CMIP: variants seen among roughly 807,000 people sequenced by gnomAD.
CMIP encodes the protein c-Maf inducing protein.
A neutral mutation model predicts 97.3 loss-of-function variants in CMIP; 13 were observed. The observed-to-expected ratio is 0.13, with a 90% confidence interval of 0.09 to 0.21. The LOEUF is 0.21. Ranked by LOEUF, CMIP falls within the 10% of genes least tolerant of loss-of-function variation. The pLI is 1.00. For synonymous variants in CMIP, 538 were observed against 436.3 expected (o/e 1.23, Z -2.91); for missense variants, 847 against 1,024.9 (o/e 0.83, Z 2.37).
chr16:81,463,224 C>T (rs1906995934), intron 1 of CMIP, among the ~76,000 whole-genome samples: 1 of 152,182 alleles, frequency 6.6e-6, no homozygotes, highest in South Asian at 2.1e-4. Flanking sequence ...CCCCAATAAA[C>T]AAGTTTCCTC....
At position 81,453,686 on chromosome 16, in the gene CMIP, C is replaced by T. The variant is rs970493085; in HGVS notation, c.300+8145C>T. ...AGGCTAGCTGCCGTAACACGCAGCCCTGGCATCTGGGTGGCTTCATGCAGC... is the reference window on the plus strand; with the variant it reads ...AGGCTAGCTGCCGTAACACGCAGCCTTGGCATCTGGGTGGCTTCATGCAGC... On this transcript the variant is annotated intron_variant, in intron 1 of 20. Transcript: ENST00000537098. The surrounding 1 kb of genome is among the most constrained non-coding windows in gnomAD (Gnocchi z 4.0). Among the ~76,000 whole-genome samples, 3 of 152,242 alleles carry T rather than the reference C, an allele frequency of 2.0e-5. No individual in the cohort carries two copies. Among genetic ancestry groups the T allele is most frequent in the African/African-American group, 7.2e-5 (3 of 41,460 alleles).
chr16:81,503,483 A>AC (rs758685766), intron 1 of CMIP, among the ~76,000 whole-genome samples: 1 of 151,604 alleles, frequency 6.6e-6, no homozygotes, highest in Non-Finnish European at 1.5e-5. Context: ...TGCAGCCTTG[A>AC]CCCCCCAGGC....
intron 20 of CMIP, 91 bp from the exon 21 acceptor site, chr16:81,709,655 C>T: frequency 6.9e-7 from 1 of 1,449,938 alleles, no homozygotes; most frequent in Non-Finnish European, 9.6e-7. Flanking sequence ...TGGCAGAGAC[C>T]CCCAGCCGGC....
At chr16:81,470,842 T>C (rs918659075) in intron 1 of CMIP, among the ~76,000 whole-genome samples, 3 of 152,268 alleles carry the variant, frequency 2.0e-5, no homozygotes, top group Non-Finnish European at 4.4e-5. Context: ...CTTCCTCATG[T>C]GATCTCTTCG....
At position 81,495,420 on chromosome 16, in the gene CMIP, G is replaced by T. The variant is rs904759436; in HGVS notation, c.300+49879G>T. ...AACAAACCAAGCCGGCCGGGCTGCC[G>T]CTCTGTTTCCTGCGAGGAGGGAAGT... On this transcript the variant is annotated intron_variant, in intron 1 of 20. Coordinates refer to ENST00000537098, the MANE Select transcript of CMIP (RefSeq NM_198390.3). 5.0e-6 allele frequency: 8 copies of T among 1,598,002 alleles called. No homozygotes were observed. The South Asian group carries it at 6.8e-5, about 14-fold the overall frequency.
chr16:81,496,551 C>G (rs572557105), intron 1 of CMIP, among the ~76,000 whole-genome samples: 1 of 152,174 alleles, frequency 6.6e-6, no homozygotes, highest in Non-Finnish European at 1.5e-5. Flanking sequence ...TGATAAAACC[C>G]TTTGAATGGA....
intron 1 of CMIP, among the ~76,000 whole-genome samples, chr16:81,587,701 C>G (rs149425360): frequency 6.6e-6 from 1 of 152,358 alleles, no homozygotes; most frequent in Non-Finnish European, 1.5e-5. Context: ...TCTACTGCTC[C>G]TGACTTCCTG....
At chr16:81,545,301 G>A (rs1021066141) in intron 1 of CMIP, among the ~76,000 whole-genome samples, 22 of 152,180 alleles carry the variant, frequency 1.4e-4, no homozygotes, top group Admixed American at 5.2e-4. Context: ...TCCTGCAGAC[G>A]AACCCGTCCT....
chr16:81,516,854 C>T (rs186710841), intron 1 of CMIP, among the ~76,000 whole-genome samples: 2 of 152,218 alleles, frequency 1.3e-5, no homozygotes, highest in Non-Finnish European at 2.9e-5. Flanking sequence ...AGTGAAAAAC[C>T]AGATGGCCTC....
chr16:81,518,762 C>G (rs2089964436), intron 1 of CMIP: 1 of 152,034 alleles, frequency 6.6e-6, no homozygotes, highest in East Asian at 1.9e-4. Flanking sequence ...CTTTGGGTGG[C>G]CGAGGCAGGA....
At chr16:81,516,072 C>T (rs2089907678) in intron 1 of CMIP, among the ~76,000 whole-genome samples, 1 of 152,200 alleles carries the variant, frequency 6.6e-6, no homozygotes, top group Non-Finnish European at 1.5e-5. Context: ...CTCTGGGTTG[C>T]TCCATTGCCC....
chr16:81,540,489 G>T (rs545728777), intron 1 of CMIP, among the ~76,000 whole-genome samples: 1 of 152,018 alleles, frequency 6.6e-6, no homozygotes, highest in East Asian at 1.9e-4. Flanking sequence ...TTTTTGTAGA[G>T]ATGGGTTTTT....
At chr16:81,707,901 G>A (rs769430487) in intron 20 of CMIP, among the ~76,000 whole-genome samples, 14 of 152,224 alleles carry the variant, frequency 9.2e-5, no homozygotes, top group Non-Finnish European at 1.8e-4. Flanking sequence ...TGGCACCTTC[G>A]TGCTCTGGAA....
At chr16:81,599,443 G>T (rs925104543) in intron 1 of CMIP, among the ~76,000 whole-genome samples, 2 of 152,224 alleles carry the variant, frequency 1.3e-5, no homozygotes, top group African/African-American at 4.8e-5. Context: ...GCATCCATGG[G>T]TTTCTGCCTT....
At chr16:81,706,868 G>A in intron 19 of CMIP, 146 bp from the exon 20 acceptor site, 3 of 685,084 alleles carry the variant, frequency 4.4e-6, no homozygotes, top group Non-Finnish European at 7.8e-6. Flanking sequence ...CACCTACCCT[G>A]GCTGTGTCTA....
At chr16:81,594,996 A>G (rs1039315138) in intron 1 of CMIP, among the ~76,000 whole-genome samples, 6 of 151,882 alleles carry the variant, frequency 4.0e-5, no homozygotes, top group African/African-American at 1.5e-4. Flanking sequence ...CAATTTAAAA[A>G]ATAGAACAAT....
chr16:81,453,272 C>T lies in CMIP; in HGVS notation c.300+7731C>T, dbSNP rs536608779. Among the ~76,000 whole-genome samples the T allele has an allele frequency of 6.6e-6, 1 of 152,144 alleles. No individual in the cohort carries two copies. Among genetic ancestry groups the T allele is most frequent in the Non-Finnish European group, 1.5e-5 (1 of 68,022 alleles). On this transcript the variant is annotated intron_variant, in intron 1 of 20. Transcript: ENST00000537098. The surrounding 1 kb of genome is among the most constrained non-coding windows in gnomAD (Gnocchi z 4.0). ...GACTAAACTGATTGTGCTGGGCGAA[C>T]TCTTTTTGGAGGGAAGCACGTGGTC...
intron 1 of CMIP, among the ~76,000 whole-genome samples, chr16:81,476,979 C>G (rs1399354431): frequency 6.6e-6 from 1 of 151,970 alleles, no homozygotes; most frequent in Non-Finnish European, 1.5e-5. Context: ...GGGTTTCAGC[C>G]TCAACTTGGT....
chr16:81,458,769 G>C (rs1349860310), intron 1 of CMIP, among the ~76,000 whole-genome samples: 1 of 152,140 alleles, frequency 6.6e-6, no homozygotes, highest in Non-Finnish European at 1.5e-5. Context: ...TTTAACCAGT[G>C]GTGTGATCCA....
Sources: allele counts gnomAD v4.1 joint callset (sites outside exome capture counted in the v4.1 genomes callset), GRCh38; gene constraint gnomAD v4.1.1; non-coding constraint Gnocchi (gnomAD v3.1); transcripts MANE v1.5; gene names NCBI Gene and HGNC (gene_info 2026-07-23, HGNC 2026-07-21).